Variants in EXOC4 observed in about 807,000 individuals in gnomAD.
EXOC4 encodes the protein exocyst complex component 4.
A neutral mutation model predicts 107.2 loss-of-function variants in EXOC4; 71 were observed. The observed-to-expected ratio is 0.66, with a 90% CI of 0.55 to 0.81. EXOC4 has a LOEUF of 0.81. Among genes scored for constraint, EXOC4 ranks in the 30% least tolerant of loss-of-function variants. The pLI is 0.00. For missense variants in EXOC4, 1,108 were observed against 1,189.6 expected (o/e 0.93, Z 1.01); for synonymous variants, 456 against 441.2 (o/e 1.03, Z -0.42).
chr7:133,898,745 C>CAAAAA (rs869131471), intron 12 of EXOC4, among the ~76,000 whole-genome samples: 2 of 64,778 alleles, frequency 3.1e-5, no homozygotes, highest in East Asian at 4.7e-4. Context: ...GACTCTGTCT[C>CAAAAA]AAAAAAAAAA....
At chr7:133,926,445 C>T (rs1800054500) in intron 13 of EXOC4, among the ~76,000 whole-genome samples, 1 of 152,122 alleles carries the variant, frequency 6.6e-6, no homozygotes, top group African/African-American at 2.4e-5. Flanking sequence ...AGCATTTTGA[C>T]TCTAGATTTT....
rs1585234287 is a variant in EXOC4, at chr7:133,900,019, G to T, written c.1871+4284G>T. Among the ~76,000 whole-genome samples, 5 of 152,226 alleles carry T rather than the reference G, an allele frequency of 3.3e-5. 1 individual carries two copies. The South Asian group carries it at 1.0e-3, about 32-fold the overall frequency. The stretch of plus-strand genomic sequence containing the variant: ...TCCCACCGCCTCGGCCTCACCAAGT[G>T]CCCAGATGCACTCTGGGTGTTGAGC... On this transcript the variant is annotated intron_variant, in intron 12 of 17. Transcript: ENST00000253861.
At position 133,485,079 on chromosome 7, in the gene EXOC4, C is replaced by CAAA. The variant is rs1491252321; in HGVS notation, c.1417+4945_1417+4947dup. On this transcript the variant is annotated intron_variant, in intron 9 of 17. Coordinates refer to ENST00000253861, the MANE Select transcript of EXOC4 (RefSeq NM_021807.4). ...TGGGAGACACAGCGAGACTCCGTCT[C>CAAA]AAAAAATAAATAAATAAATAAATAA... Among the ~76,000 whole-genome samples the CAAA allele has an allele frequency of 7.9e-3, 219 of 27,742 alleles. 25 individuals are homozygous for CAAA. Among genetic ancestry groups the CAAA allele is most frequent in the African/African-American group, 0.023 (204 of 8,720 alleles). 18.2% of individuals were successfully genotyped at this position (27,742 alleles called of 152,430 possible).
chr7:133,903,098 G>A (rs1028148997), intron 12 of EXOC4, among the ~76,000 whole-genome samples: 7 of 152,068 alleles, frequency 4.6e-5, no homozygotes, highest in African/African-American at 7.2e-5. Flanking sequence ...AGGACGCTCC[G>A]GGACACTTTT....
chr7:133,355,913 T>C (rs765764214), intron 5 of EXOC4, among the ~76,000 whole-genome samples: 1 of 152,198 alleles, frequency 6.6e-6, no homozygotes, highest in Non-Finnish European at 1.5e-5. Flanking sequence ...GATGTCTTTT[T>C]CTCCAGCGAC....
In EXOC4 at chr7:133,895,612, T is replaced by A. The variant is rs749276747; in HGVS notation, c.1748T>A (p.Val583Glu). ...QRPLLQSTIIVEKTVQDLLNL... is the reference protein window; with the variant it reads ...QRPLLQSTIIEEKTVQDLLNL... The stretch of plus-strand genomic sequence containing the variant: ...GTTCATTTCCAGAGCACAATCATTG[T>A]GGAGAAGACAGTTCAAGACCTCCTG... The change falls in exon 12 of 18, where the codon GTG becomes GAG. Residue 583 changes from valine to glutamate, a missense_variant. Val to Glu is a moderately radical substitution (Grantham distance 121). Coordinates refer to ENST00000253861, the MANE Select transcript of EXOC4 (RefSeq NM_021807.4). The A allele has an allele frequency of 1.9e-6, 3 of 1,613,996 alleles. No homozygotes were observed. The highest frequency in any genetic ancestry group is 2.5e-6 in the Non-Finnish European group (3 of 1,179,918).
intron 14 of EXOC4, among the ~76,000 whole-genome samples, chr7:133,970,107 G>A (rs551077457): frequency 1.7e-4 from 26 of 152,214 alleles, no homozygotes; most frequent in South Asian, 4.2e-4. Flanking sequence ...GGTGGTCTCC[G>A]TCCAGTTCAA....
Position 133,388,011 on chromosome 7 carries a change from A to G in EXOC4, c.1182+13009A>G, listed in dbSNP as rs1796767040. On this transcript the variant is annotated intron_variant, in intron 7 of 17. Coordinates refer to ENST00000253861, the MANE Select transcript of EXOC4 (RefSeq NM_021807.4). ...TTTCTTAGAACATGTTACCAAAAAC[A>G]AAAAAAAAAGATTGAATACTTTTGG... Among the ~76,000 whole-genome samples, 2 of 75,470 alleles carry G rather than the reference A, an allele frequency of 2.7e-5. 1 individual carries two copies. Among genetic ancestry groups the G allele is most frequent in the South Asian group, 8.1e-4 (2 of 2,472 alleles). 49.5% of individuals were successfully genotyped at this position (75,470 alleles called of 152,430 possible). A position where few individuals can be genotyped will look rare whatever the true frequency, so the allele number is the denominator to read the frequency against.
intron 13 of EXOC4, 151 bp downstream of exon 13, chr7:133,917,889 C>A: frequency 1.4e-6 from 1 of 734,024 alleles, no homozygotes; most frequent in Non-Finnish European, 2.1e-6. Context: ...TGTCTCACCT[C>A]ATTTCCCATG....
At chr7:133,618,478 A>G (rs955546731) in intron 9 of EXOC4, among the ~76,000 whole-genome samples, 3 of 152,174 alleles carry the variant, frequency 2.0e-5, no homozygotes, top group Non-Finnish European at 2.9e-5. Flanking sequence ...TATAACAATC[A>G]AGACTGAGCA....
chr7:133,922,284 A>G (rs897339670), intron 13 of EXOC4, among the ~76,000 whole-genome samples: 47 of 152,338 alleles, frequency 3.1e-4, no homozygotes, highest in Admixed American at 3.0e-3. Context: ...ACATAGCAAC[A>G]AAGTGCCTTC....
intron 7 of EXOC4, among the ~76,000 whole-genome samples, chr7:133,438,114 CTT>C (rs1458239512): frequency 2.0e-5 from 3 of 152,158 alleles, no homozygotes; most frequent in African/African-American, 7.2e-5. Flanking sequence ...TCAGATCTGT[CTT>C]TGTCTGTAGA....
intron 17 of EXOC4, among the ~76,000 whole-genome samples, chr7:134,051,908 C>G (rs1045593999): frequency 6.6e-6 from 1 of 151,820 alleles, no homozygotes; most frequent in African/African-American, 2.4e-5. Context: ...ATGGCATGAA[C>G]CCGGGAGGTA....
intron 9 of EXOC4, among the ~76,000 whole-genome samples, chr7:133,579,831 C>A (rs1190503887): frequency 1.3e-5 from 2 of 152,040 alleles, no homozygotes; most frequent in Non-Finnish European, 2.9e-5. Context: ...GGACTACAGG[C>A]ACGCGCCACC....
chr7:133,667,106 T>C (rs1163259951), intron 10 of EXOC4, among the ~76,000 whole-genome samples: 1 of 152,234 alleles, frequency 6.6e-6, no homozygotes, highest in Non-Finnish European at 1.5e-5. Context: ...GGGAAATCTT[T>C]ATTGATGTAA....
At chr7:133,362,000 T>G (rs961422943) in intron 6 of EXOC4, among the ~76,000 whole-genome samples, 2 of 152,224 alleles carry the variant, frequency 1.3e-5, no homozygotes, top group African/African-American at 2.4e-5. Flanking sequence ...GTCTCATTGA[T>G]TTGTAGGAAC....
chr7:133,616,519 G>C (rs1182783091), intron 9 of EXOC4, among the ~76,000 whole-genome samples: 1 of 152,054 alleles, frequency 6.6e-6, no homozygotes, highest in Non-Finnish European at 1.5e-5. Flanking sequence ...CTTGTTTTGA[G>C]GTAAATAATT....
chr7:134,001,340 C>T (rs1794526604), intron 15 of EXOC4, among the ~76,000 whole-genome samples: 1 of 152,164 alleles, frequency 6.6e-6, no homozygotes, highest in Admixed American at 6.5e-5. Context: ...ATCCACCCCA[C>T]TGTGTAATCA....
chr7:134,017,615 T>G (rs1474638129), intron 17 of EXOC4, among the ~76,000 whole-genome samples: 1 of 152,204 alleles, frequency 6.6e-6, no homozygotes, highest in Non-Finnish European at 1.5e-5. Context: ...TTACATTAGG[T>G]CCCGTGCATT....
Sources: allele counts gnomAD v4.1 joint callset (sites outside exome capture counted in the v4.1 genomes callset), GRCh38; gene constraint gnomAD v4.1.1; transcripts MANE v1.5; gene names NCBI Gene and HGNC (gene_info 2026-07-23, HGNC 2026-07-21).